Variants in FHIT observed in about 807,000 individuals in gnomAD.
FHIT encodes the protein fragile histidine triad diadenosine triphosphatase, also known as bis(5'-adenosyl)-triphosphatase.
FHIT carries 19 observed loss-of-function variants against 17.9 expected under a neutral mutation model. The observed-to-expected ratio is 1.06, with a 90% CI of 0.74 to 1.56. The LOEUF is 1.56. FHIT is among the 40% of genes most tolerant of loss of function. The probability of loss-of-function intolerance (pLI) is 0.00; values close to 1 mark genes in which losing one functional copy is unlikely to be tolerated. For synonymous variants in FHIT, 81 were observed against 69.7 expected, an observed-to-expected ratio of 1.16 and a Z score of -0.81; for missense variants, 248 against 189.2, an observed-to-expected ratio of 1.31 and a Z score of -1.82.
intron 5 of FHIT, among the ~76,000 whole-genome samples, chr3:60,412,359 G>A (rs556598349): frequency 2.0e-5 from 3 of 152,166 alleles, no homozygotes; most frequent in African/African-American, 7.2e-5. Context: ...TAGTGTATGA[G>A]GACAAAAATA....
intron 5 of FHIT, among the ~76,000 whole-genome samples, chr3:60,235,444 C>G (rs1704733070): frequency 6.6e-6 from 1 of 152,078 alleles, no homozygotes; most frequent in Admixed American, 6.5e-5. Context: ...GATGGCCAGG[C>G]TGGTCTCGAA....
intron 5 of FHIT, among the ~76,000 whole-genome samples, chr3:60,528,554 G>T (rs757209285): frequency 1.1e-4 from 17 of 152,110 alleles, no homozygotes; most frequent in Non-Finnish European, 2.5e-4. Flanking sequence ...CATTTGATAC[G>T]AAGAAAGAGT....
chr3:60,812,153 A>T (rs970803257), intron 4 of FHIT, among the ~76,000 whole-genome samples: 2 of 149,806 alleles, frequency 1.3e-5, no homozygotes, highest in East Asian at 2.0e-4. Context: ...TAATATAAAC[A>T]TGTCTATTGG....
chr3:60,062,716 G>A (rs1451255891), intron 5 of FHIT, among the ~76,000 whole-genome samples: 1 of 152,176 alleles, frequency 6.6e-6, no homozygotes, highest in Non-Finnish European at 1.5e-5. Context: ...TTCTTTGTAA[G>A]GGAGATGACC....
intron 4 of FHIT, among the ~76,000 whole-genome samples, chr3:60,612,570 A>G (rs1019182011): frequency 2.6e-5 from 4 of 152,236 alleles, no homozygotes; most frequent in African/African-American, 7.2e-5. Flanking sequence ...TATTGCTTAA[A>G]AACATTTGTG....
intron 3 of FHIT, among the ~76,000 whole-genome samples, chr3:60,855,499 T>C (rs558115789): frequency 6.6e-6 from 1 of 152,214 alleles, no homozygotes; most frequent in East Asian, 1.9e-4. Flanking sequence ...AGAGCCTGAG[T>C]ATGAAAGACA....
intron 2 of FHIT, among the ~76,000 whole-genome samples, chr3:61,146,604 C>T (rs1409779415): frequency 2.6e-5 from 4 of 152,100 alleles, no homozygotes; most frequent in South Asian, 4.2e-4. Flanking sequence ...CTTGGTCATA[C>T]AATATTTTTT....
chr3:61,181,978 T>A (rs2038358155), intron 2 of FHIT, among the ~76,000 whole-genome samples: 1 of 152,224 alleles, frequency 6.6e-6, no homozygotes, highest in African/African-American at 2.4e-5. Context: ...CTAACCAGAA[T>A]TAGTCCATGC....
chr3:60,498,173 G>T (rs1041583035), intron 5 of FHIT, among the ~76,000 whole-genome samples: 3 of 152,146 alleles, frequency 2.0e-5, no homozygotes, highest in Admixed American at 6.5e-5. Context: ...CAGCAAAAAT[G>T]CAACCAGTTT....
chr3:60,167,677 C>T lies in FHIT; in HGVS notation c.104-153525G>A, dbSNP rs148826598. Among the ~76,000 whole-genome samples the T allele has an allele frequency of 9.9e-5, 15 of 152,284 alleles. No individual in the cohort carries two copies. The East Asian group carries it at 2.7e-3, about 27-fold the overall frequency. ...AGAAAATTCATTTTTGTCCTGTTGC[C>T]TATCCTGCCATGAAAGTGGAGAATT... On this transcript the variant is annotated intron_variant, in intron 5 of 9. Transcript: ENST00000492590.
At chr3:60,414,967 A>C (rs532403262) in intron 5 of FHIT, among the ~76,000 whole-genome samples, 410 of 152,276 alleles carry the variant, frequency 2.7e-3, no homozygotes, top group Non-Finnish European at 4.4e-3. Context: ...TCTTCCCCCA[A>C]ATCATTTGGG....
intron 5 of FHIT, among the ~76,000 whole-genome samples, chr3:60,421,221 T>C (rs941569102): frequency 2.6e-5 from 4 of 152,096 alleles, no homozygotes; most frequent in Non-Finnish European, 4.4e-5. Context: ...AACTCCACAT[T>C]CTGTTTTGCT....
chr3:60,815,186 G>A (rs977536605), intron 4 of FHIT, among the ~76,000 whole-genome samples: 4 of 152,038 alleles, frequency 2.6e-5, no homozygotes, highest in Admixed American at 1.3e-4. Context: ...CTGTCATCCT[G>A]TAGGTTGTTT....
intron 4 of FHIT, among the ~76,000 whole-genome samples, chr3:60,554,101 A>G (rs1350224521): frequency 6.6e-6 from 1 of 152,138 alleles, no homozygotes; most frequent in Non-Finnish European, 1.5e-5. Flanking sequence ...CAAAAAAAGA[A>G]AAAAAACGTA....
chr3:60,327,242 T>G (rs1287926869), intron 5 of FHIT, among the ~76,000 whole-genome samples: 2 of 152,248 alleles, frequency 1.3e-5, no homozygotes, highest in African/African-American at 4.8e-5. Context: ...TGAAGTTGTT[T>G]TGTTCACTGC....
intron 4 of FHIT, among the ~76,000 whole-genome samples, chr3:60,675,010 C>T (rs1241679238): frequency 6.6e-6 from 1 of 152,186 alleles, no homozygotes; most frequent in Non-Finnish European, 1.5e-5. Flanking sequence ...GCATGTAATG[C>T]TTGGCCCCAC....
Position 60,521,457 on chromosome 3 carries a change from C to A in FHIT, c.103+15403G>T, listed in dbSNP as rs1262427891. On this transcript the variant is annotated intron_variant, in intron 5 of 9. Coordinates refer to ENST00000492590, the MANE Select transcript of FHIT (RefSeq NM_002012.4). ...AGAGACGGGGTTTCACCGTGTTAGC[C>A]AGGATGGTCTCGATCTGCTGACTTC... Among the ~76,000 whole-genome samples, 3 of 152,096 alleles carry A rather than the reference C, an allele frequency of 2.0e-5. No homozygotes were observed. In the South Asian group the frequency reaches 6.2e-4, roughly 32 times the overall value.
At chr3:60,813,333 G>A (rs566762902) in intron 4 of FHIT, among the ~76,000 whole-genome samples, 1 of 151,746 alleles carries the variant, frequency 6.6e-6, no homozygotes, top group Non-Finnish European at 1.5e-5. Flanking sequence ...CCAATCTCGG[G>A]TATTCTGTTA....
chr3:60,754,368 TA>T (rs782307782), intron 4 of FHIT, among the ~76,000 whole-genome samples: 8 of 152,194 alleles, frequency 5.3e-5, no homozygotes, highest in Admixed American at 1.3e-4. Context: ...GAATCTCACA[TA>T]CGAGTAGAGG....
Sources: allele counts gnomAD v4.1 joint callset (sites outside exome capture counted in the v4.1 genomes callset), GRCh38; gene constraint gnomAD v4.1.1; transcripts MANE v1.5; gene names NCBI Gene and HGNC (gene_info 2026-07-23, HGNC 2026-07-21).